ARHGAP20: variants seen among roughly 807,000 people sequenced by gnomAD.
ARHGAP20 encodes the protein Rho GTPase activating protein 20.
A neutral mutation model predicts 73.7 loss-of-function variants in ARHGAP20; 34 were observed. The ratio of observed to expected loss-of-function variants is 0.46; its 90% CI spans 0.35 to 0.61. The LOEUF is 0.61. Ranked by LOEUF, ARHGAP20 falls within the 20% of genes least tolerant of loss-of-function variation. The pLI, the probability that ARHGAP20 is intolerant of heterozygous loss-of-function variation, is 0.00. For missense variants in ARHGAP20, 1,314 were observed against 1,420.9 expected, an observed-to-expected ratio of 0.92 and a Z score of 1.21; for synonymous variants, 523 against 518.2, an observed-to-expected ratio of 1.01 and a Z score of -0.13.
chr11:110,615,071 G>GGAGAGGGAGAGAGGAC (rs1469380366), intron 5 of ARHGAP20, among the ~76,000 whole-genome samples: 1 of 152,098 alleles, frequency 6.6e-6, no homozygotes, highest in East Asian at 1.9e-4. Flanking sequence ...CCTATAGCGT[G>GGAGAGGGAGAGAGGAC]GAGAGGGAGA....
In ARHGAP20 at chr11:110,580,346, T is replaced by G; in HGVS notation, c.2600A>C (p.Lys867Thr). Residue 867 changes from lysine to threonine, a missense_variant, in exon 15 of 15, where the codon AAA becomes ACA. By Grantham distance (78) the Lys-to-Thr change is moderately conservative. Transcript: ENST00000683387. Reference sequence around the variant, plus strand: ...AGCTTCACAGCTGGTTTTATGTTGTTTCTTTGAATAAATTCCCCTGAGATA... The same window carrying G: ...AGCTTCACAGCTGGTTTTATGTTGTGTCTTTGAATAAATTCCCCTGAGATA... ...LTYLRGIYSK[K>T]QHKTSCEAGL... is the part of the protein sequence containing the mutation. The G allele has an allele frequency of 6.2e-7, 1 of 1,614,232 alleles. No homozygotes were observed. The highest frequency in any genetic ancestry group is 8.5e-7 in the Non-Finnish European group (1 of 1,180,038).
chr11:110,580,075 A>AAAAACACTGTCTTGGG lies in ARHGAP20; in HGVS notation c.2870_2871insCCCAAGACAGTGTTTT (p.Ser958ProfsTer10). Reference sequence around the variant, plus strand: ...ACACAGAGTGTTCAGAAATCTGAGAAAAAGCACTGTCTTGGGAGCTTACTG... The same window carrying AAAAACACTGTCTTGGG: ...ACACAGAGTGTTCAGAAATCTGAGAAAAAACACTGTCTTGGGAAAGCACTGTCTTGGGAGCTTACTG... On this transcript the variant is annotated frameshift_variant, in exon 15 of 15. Coordinates refer to ENST00000683387, the MANE Select transcript of ARHGAP20 (RefSeq NM_001384657.1). LOFTEE classifies it low-confidence loss of function (END_TRUNC). 1 of 1,614,252 alleles carries AAAAACACTGTCTTGGG rather than the reference A, an allele frequency of 6.2e-7. No individual in the cohort carries two copies. Among genetic ancestry groups the AAAAACACTGTCTTGGG allele is most frequent in the Non-Finnish European group, 8.5e-7 (1 of 1,180,042 alleles).
intron 2 of ARHGAP20, among the ~76,000 whole-genome samples, chr11:110,680,780 C>G (rs1264905832): frequency 2.0e-5 from 3 of 152,052 alleles, no homozygotes; most frequent in Non-Finnish European, 4.4e-5. Context: ...CACACTGCAC[C>G]ACAAACAGAT....
At chr11:110,612,318 C>T (rs934542116) in intron 6 of ARHGAP20, among the ~76,000 whole-genome samples, 2 of 151,290 alleles carry the variant, frequency 1.3e-5, no homozygotes, top group African/African-American at 4.8e-5. Context: ...GTCCCAGCTA[C>T]TCGGGAGGCT....
intron 12 of ARHGAP20, among the ~76,000 whole-genome samples, chr11:110,584,261 C>T (rs2134790682): frequency 6.6e-6 from 1 of 152,248 alleles, no homozygotes; most frequent in East Asian, 1.9e-4. Flanking sequence ...CAATTTTGTC[C>T]TAAATCTGTT....
At position 110,661,413 on chromosome 11, in the gene ARHGAP20, T is replaced by C. The variant is rs555050741; in HGVS notation, c.188+29134A>G. On this transcript the variant is annotated intron_variant, in intron 2 of 14. Coordinates refer to ENST00000683387, the MANE Select transcript of ARHGAP20 (RefSeq NM_001384657.1). ...TGAATTAAGTTTGCAAGTTCAGTGA[T>C]AGTTTACTTCTTACTGTAATTCTGA... Among the ~76,000 whole-genome samples the C allele has an allele frequency of 2.6e-5, 4 of 152,288 alleles. No individual in the cohort carries two copies. In the East Asian group the frequency reaches 5.8e-4, roughly 22 times the overall value.
chr11:110,635,785 T>C (rs76390543), intron 2 of ARHGAP20, among the ~76,000 whole-genome samples: 1 of 150,938 alleles, frequency 6.6e-6, no homozygotes, highest in Non-Finnish European at 1.5e-5. Flanking sequence ...ACATTCACCA[T>C]CACAGAAAAA....
At chr11:110,712,036 C>T in intron 1 of ARHGAP20, 91 bp downstream of exon 1, 1 of 1,246,578 alleles carries the variant, frequency 8.0e-7, no homozygotes, top group Non-Finnish European at 1.0e-6. Context: ...CGGCGTCCGC[C>T]TAGCGCGCTG....
In ARHGAP20 at chr11:110,711,648, C is replaced by T. The variant is rs528549750; in HGVS notation, c.105+479G>A. The T allele has an allele frequency of 9.5e-3, 14,082 of 1,475,856 alleles. 64 individuals are homozygous for T. The highest frequency in any genetic ancestry group is 0.011 in the Non-Finnish European group (12,229 of 1,118,816). The allele number at this position is 1,475,856 out of a possible 1,614,324, so 91.4% of individuals were successfully genotyped here. On this transcript the variant is annotated intron_variant, in intron 1 of 14. Coordinates refer to ENST00000683387, the MANE Select transcript of ARHGAP20 (RefSeq NM_001384657.1). ...GCCGAGCCCACCAGCGCCGCAGCCC[C>T]GCTGCCTACCTTCTTCAGCGCCGGC... is the stretch of plus-strand genomic sequence containing the variant.
At chr11:110,694,273 T>A (rs1446598955) in intron 1 of ARHGAP20, among the ~76,000 whole-genome samples, 1 of 151,820 alleles carries the variant, frequency 6.6e-6, no homozygotes, top group African/African-American at 2.4e-5. Context: ...TGTCAAAAAC[T>A]GTTGTCTATT....
Position 110,586,333 on chromosome 11 carries a change from A to C in ARHGAP20, c.1306-8T>G, listed in dbSNP as rs1335475492. On this transcript the variant is annotated splice_region_variant and splice_polypyrimidine_tract_variant and intron_variant, in intron 11 of 14. Transcript: ENST00000683387. ...AATATTTCGCAGAAAATCCTTAAAT[A>C]GATGGAAAAACAAATATTTCAAATA... is the stretch of plus-strand genomic sequence containing the variant. 1 of 1,478,508 alleles carries C rather than the reference A, an allele frequency of 6.8e-7. No individual in the cohort carries two copies. The highest frequency in any genetic ancestry group is 1.3e-5 in the South Asian group (1 of 79,822). The allele number at this position is 1,478,508 out of a possible 1,614,324, so 91.6% of individuals were successfully genotyped here.
rs777747323 is a variant in ARHGAP20, at chr11:110,579,528, G to C, written c.3418C>G (p.His1140Asp). 1 of 1,614,128 alleles carries C rather than the reference G, an allele frequency of 6.2e-7. No individual in the cohort carries two copies. Among genetic ancestry groups the C allele is most frequent in the Non-Finnish European group, 8.5e-7 (1 of 1,180,026 alleles). ...TGACTACCAGGCTCTATTTCCTCAT[G>C]TGACTTCATGCACAGCTTAAGTCTG... ...ESRLKLCMKSHEEIEPGSQSS... is the reference protein window; with the variant it reads ...ESRLKLCMKSDEEIEPGSQSS... The change falls in exon 15 of 15, where the codon CAT becomes GAT. Residue 1140 changes from histidine (H) to aspartate (D), a missense_variant. By Grantham distance (81) the His-to-Asp change is moderately conservative. This residue lies in a region of ARHGAP20 where 641 missense variants were observed against 636.9 expected (regional missense o/e 1.01). Transcript: ENST00000683387.
intron 12 of ARHGAP20, among the ~76,000 whole-genome samples, chr11:110,584,986 A>AAT (rs1246098327): frequency 1.4e-5 from 1 of 70,118 alleles, no homozygotes; most frequent in South Asian, 5.2e-4. Flanking sequence ...TATATGTGAA[A>AAT]ATATATATGA....
intron 6 of ARHGAP20, among the ~76,000 whole-genome samples, chr11:110,614,280 G>A (rs1331546092): frequency 6.6e-6 from 1 of 152,222 alleles, no homozygotes. Flanking sequence ...GGAGGACAGA[G>A]ACATGTCACA....
Position 110,579,391 on chromosome 11 carries a change from C to A in ARHGAP20, c.3555G>T (p.Arg1185Ser), listed in dbSNP as rs960522004. The change falls in exon 15 of 15, where the codon AGG (arginine) becomes AGT (serine). Residue 1185 changes from arginine (R) to serine (S), a missense_variant. Physicochemically the swap from Arg to Ser is moderately radical, Grantham distance 110. Around this residue, in one of 3 missense-constraint regions of ARHGAP20, gnomAD observed 641 missense variants for 636.9 expected, o/e 1.01. Coordinates refer to ENST00000683387, the MANE Select transcript of ARHGAP20 (RefSeq NM_001384657.1). ...GPTVVCDIED[R>S]YLTKDI is the part of the protein sequence containing the mutation. ...ATGCTTAAATGTCTTTGGTTAAATA[C>A]CTGTCCTCAATGTCGCAGACCACTG... 1 of 1,597,022 alleles carries A rather than the reference C, an allele frequency of 6.3e-7. No individual in the cohort carries two copies. The highest frequency in any genetic ancestry group is 8.6e-7 in the Non-Finnish European group (1 of 1,166,608).
At chr11:110,668,237 G>C (rs1219453606) in intron 2 of ARHGAP20, among the ~76,000 whole-genome samples, 1 of 152,102 alleles carries the variant, frequency 6.6e-6, no homozygotes, top group Non-Finnish European at 1.5e-5. Context: ...ATCCTTATTA[G>C]TCAGCAGCCA....
intron 2 of ARHGAP20, among the ~76,000 whole-genome samples, chr11:110,671,578 A>G (rs1219522904): frequency 6.6e-6 from 1 of 152,156 alleles, no homozygotes; most frequent in Non-Finnish European, 1.5e-5. Flanking sequence ...AAGGGAATGA[A>G]TGTGTATGTA....
chr11:110,614,645 T>C lies in ARHGAP20; in HGVS notation c.546A>G (p.Arg182=), dbSNP rs1565439394. 2 of 1,601,380 alleles carry C rather than the reference T, an allele frequency of 1.2e-6. No homozygotes were observed. Among genetic ancestry groups the C allele is most frequent in the Non-Finnish European group, 1.7e-6 (2 of 1,174,512 alleles). Residue 182 remains arginine (R), a splice_region_variant and synonymous_variant, in exon 6 of 15, where the codon AGA becomes AGG. Transcript: ENST00000683387. Reference sequence around the variant, plus strand: ...CCTTTTCTTTCTCTAGATTGATGTATCTAATCAAATGCAACAGCAACCCAA... The same window carrying C: ...CCTTTTCTTTCTCTAGATTGATGTACCTAATCAAATGCAACAGCAACCCAA... The part of the protein sequence containing the change: ...QKDKWLSLLQ[R]YINLEKEKDY...
chr11:110,602,522 G>A (rs1948135206), intron 9 of ARHGAP20, among the ~76,000 whole-genome samples: 1 of 152,076 alleles, frequency 6.6e-6, no homozygotes, highest in Non-Finnish European at 1.5e-5. Flanking sequence ...ATAAAAATGA[G>A]GCTACAATAA....
Sources: gnomAD v4.1 joint callset for allele counts (sites outside exome capture counted in the v4.1 genomes callset) on GRCh38, gnomAD v4.1.1 for gene constraint, gnomAD v4.1.1 regional missense constraint, MANE v1.5 for transcripts, NCBI Gene and HGNC (gene_info 2026-07-23, HGNC 2026-07-21) for gene names.